GRXCR1: variants seen among roughly 807,000 people sequenced by gnomAD.
The protein encoded by GRXCR1 is glutaredoxin domain-containing cysteine-rich protein 1.
In GRXCR1, 27 loss-of-function variants were observed where a neutral mutation model predicts 27.3. The ratio of observed to expected loss-of-function variants is 0.99; its 90% CI spans 0.73 to 1.37. The LOEUF is 1.37. Among genes scored for constraint, GRXCR1 ranks in the 40% most tolerant of loss-of-function variants. The probability of loss-of-function intolerance (pLI) is 0.00; values close to 1 mark genes in which losing one functional copy is unlikely to be tolerated. For synonymous variants in GRXCR1, 122 were observed against 131.1 expected, an observed-to-expected ratio of 0.93 and a Z score of 0.47; for missense variants, 379 against 354.4, an observed-to-expected ratio of 1.07 and a Z score of -0.56.
chr4:42,896,807 T>A (rs1056045256), intron 1 of GRXCR1, among the ~76,000 whole-genome samples: 1 of 152,128 alleles, frequency 6.6e-6, no homozygotes, highest in Admixed American at 6.6e-5. Flanking sequence ...GAATGAGATA[T>A]GCAATGACTT....
At chr4:42,896,903 TC>T (rs965838195) in intron 1 of GRXCR1, among the ~76,000 whole-genome samples, 1 of 152,102 alleles carries the variant, frequency 6.6e-6, no homozygotes, top group African/African-American at 2.4e-5. Flanking sequence ...CAGCCATGTT[TC>T]CCATGAATAT....
At chr4:42,985,127 G>A (rs1711665956) in intron 2 of GRXCR1, among the ~76,000 whole-genome samples, 1 of 152,024 alleles carries the variant, frequency 6.6e-6, no homozygotes, top group South Asian at 2.1e-4. Flanking sequence ...ATGTTTTCTG[G>A]TTCCCTTAGT....
At chr4:42,958,877 C>G (rs980258064) in intron 1 of GRXCR1, among the ~76,000 whole-genome samples, 3 of 151,922 alleles carry the variant, frequency 2.0e-5, no homozygotes, top group African/African-American at 7.2e-5. Flanking sequence ...TGAGATATCA[C>G]CTTACACTTC....
At chr4:42,959,991 C>T (rs537193496) in intron 1 of GRXCR1, among the ~76,000 whole-genome samples, 14 of 152,028 alleles carry the variant, frequency 9.2e-5, no homozygotes, top group Middle Eastern at 3.4e-3. Context: ...AAAGGGATAT[C>T]CATGTGATCT....
chr4:43,030,181 T>G (rs964151494), intron 3 of GRXCR1, among the ~76,000 whole-genome samples, 180 bp from the exon 4 acceptor site: 3 of 152,170 alleles, frequency 2.0e-5, no homozygotes, highest in Non-Finnish European at 4.4e-5. Context: ...GAAGGAGAAT[T>G]TCAACTAATT....
intron 1 of GRXCR1, among the ~76,000 whole-genome samples, chr4:42,952,495 A>C (rs1747908956): frequency 6.6e-6 from 1 of 152,092 alleles, no homozygotes; most frequent in African/African-American, 2.4e-5. Context: ...ACATTACCTT[A>C]GTCCAAACCA....
Position 43,021,122 on chromosome 4 carries a change from A to G in GRXCR1, c.693+703A>G, listed in dbSNP as rs141397085. On this transcript the variant is annotated intron_variant, in intron 3 of 3. Transcript: ENST00000399770. ...GGTTATCCAGTATCTATATGTCACT[A>G]CTGGTTATTATTGCTCTAGTCTTTG... Among the ~76,000 whole-genome samples, 489 of 152,234 alleles carry G rather than the reference A, an allele frequency of 3.2e-3. 3 individuals carry two copies. Among genetic ancestry groups the G allele is most frequent in the African/African-American group, 0.011 (476 of 41,556 alleles).
chr4:42,952,754 T>G lies in GRXCR1; in HGVS notation c.385-10138T>G, dbSNP rs143427878. Among the ~76,000 whole-genome samples, 402 of 152,174 alleles carry G rather than the reference T, an allele frequency of 2.6e-3. 2 individuals are homozygous for G. The highest frequency in any genetic ancestry group is 9.1e-3 in the African/African-American group (380 of 41,544). On this transcript the variant is annotated intron_variant, in intron 1 of 3. Transcript: ENST00000399770. ...AAGAAAGAATATTCCAAAGGAGCAG[T>G]TGATCAGCTAAGGAAGCTACACAAA...
At chr4:42,935,005 T>C (rs1042637553) in intron 1 of GRXCR1, among the ~76,000 whole-genome samples, 4 of 151,960 alleles carry the variant, frequency 2.6e-5, no homozygotes, top group Admixed American at 6.6e-5. Context: ...TGGCTTCTGG[T>C]GAGGACAGAA....
chr4:42,971,342 G>T lies in GRXCR1; in HGVS notation c.627+8208G>T, dbSNP rs116018953. 3.6e-3 allele frequency among the ~76,000 whole-genome samples: 547 copies of T among 152,198 alleles called. 5 individuals are homozygous for T. Among genetic ancestry groups the T allele is most frequent in the African/African-American group, 0.012 (519 of 41,548 alleles). On this transcript the variant is annotated intron_variant, in intron 2 of 3. Coordinates refer to ENST00000399770, the MANE Select transcript of GRXCR1 (RefSeq NM_001080476.3). ...CATTTTTATATATGTTTATAGCAATGCTCCACTACCAGTACCAATTTCCTG... is the reference window on the plus strand; with the variant it reads ...CATTTTTATATATGTTTATAGCAATTCTCCACTACCAGTACCAATTTCCTG...
At chr4:42,995,891 C>G (rs1712140218) in intron 2 of GRXCR1, among the ~76,000 whole-genome samples, 1 of 152,180 alleles carries the variant, frequency 6.6e-6, no homozygotes, top group Non-Finnish European at 1.5e-5. Context: ...AGAAGTTGTT[C>G]AGTGCAACTC....
chr4:42,971,660 C>T lies in GRXCR1; in HGVS notation c.627+8526C>T, dbSNP rs535164890. ...GAACAACAAGGGGAAAATACACTCC[C>T]GTGATTCAATCACCTCCCACCAGGT... On this transcript the variant is annotated intron_variant, in intron 2 of 3. Coordinates refer to ENST00000399770, the MANE Select transcript of GRXCR1 (RefSeq NM_001080476.3). 2.7e-4 allele frequency among the ~76,000 whole-genome samples: 41 copies of T among 152,066 alleles called. 1 individual carries two copies. The highest frequency in any genetic ancestry group is 4.8e-4 in the African/African-American group (20 of 41,504).
chr4:43,020,007 G>C (rs1713045927), intron 2 of GRXCR1, among the ~76,000 whole-genome samples: 1 of 152,072 alleles, frequency 6.6e-6, no homozygotes, highest in Non-Finnish European at 1.5e-5. Flanking sequence ...TTTGCTCCAA[G>C]GATTCCTTTC....
At chr4:43,010,567 A>C (rs951547682) in intron 2 of GRXCR1, among the ~76,000 whole-genome samples, 4 of 152,150 alleles carry the variant, frequency 2.6e-5, no homozygotes, top group African/African-American at 9.7e-5. Context: ...AGGATTCTCT[A>C]ACTAAAAGAA....
At chr4:42,966,838 C>T (rs1413606223) in intron 2 of GRXCR1, among the ~76,000 whole-genome samples, 2 of 152,012 alleles carry the variant, frequency 1.3e-5, no homozygotes, top group Non-Finnish European at 2.9e-5. Flanking sequence ...ATCTGCATAT[C>T]TTATTTGGTT....
chr4:42,973,177 C>T (rs1161990936), intron 2 of GRXCR1, among the ~76,000 whole-genome samples: 1 of 152,102 alleles, frequency 6.6e-6, no homozygotes, highest in Non-Finnish European at 1.5e-5. Context: ...CAGTTCTGTG[C>T]AAACCCCTCC....
At chr4:42,964,649 T>C (rs1314093307) in intron 2 of GRXCR1, among the ~76,000 whole-genome samples, 1 of 152,036 alleles carries the variant, frequency 6.6e-6, no homozygotes, top group Non-Finnish European at 1.5e-5. Context: ...CAAAGTTATG[T>C]CTGTCTGACT....
At chr4:42,899,446 C>T (rs896769507) in intron 1 of GRXCR1, among the ~76,000 whole-genome samples, 1 of 152,128 alleles carries the variant, frequency 6.6e-6, no homozygotes, top group East Asian at 1.9e-4. Context: ...TTGTTTTCAT[C>T]CCCAGAAGAT....
At chr4:42,937,658 T>G (rs1382848970) in intron 1 of GRXCR1, among the ~76,000 whole-genome samples, 1 of 151,958 alleles carries the variant, frequency 6.6e-6, no homozygotes, top group Non-Finnish European at 1.5e-5. Context: ...CTCCTTCCCT[T>G]GCTTATTTCT....
Sources: allele counts gnomAD v4.1 joint callset (sites outside exome capture counted in the v4.1 genomes callset), GRCh38; gene constraint gnomAD v4.1.1; transcripts MANE v1.5; gene names NCBI Gene and HGNC (gene_info 2026-07-23, HGNC 2026-07-21).